ITGA1: variants seen among roughly 807,000 people sequenced by gnomAD.
The protein encoded by ITGA1 is integrin alpha-1.
A neutral mutation model predicts 145.9 loss-of-function variants in ITGA1; 85 were observed. The observed-to-expected ratio is 0.58, with a 90% CI of 0.49 to 0.70. The LOEUF (loss-of-function observed/expected upper bound fraction) is 0.70, where lower values mean the gene tolerates loss of function less well. Among genes scored for constraint, ITGA1 ranks in the 30% least tolerant of loss-of-function variants. The probability of loss-of-function intolerance (pLI) is 0.00; values close to 1 mark genes in which losing one functional copy is unlikely to be tolerated. For missense variants in ITGA1, 1,351 were observed against 1,418.7 expected (o/e 0.95, Z 0.77); for synonymous variants, 520 against 495.3 (o/e 1.05, Z -0.66).
intron 15 of ITGA1, 120 bp from the exon 16 acceptor site, chr5:52,918,612 C>A: frequency 1.3e-6 from 1 of 799,858 alleles, no homozygotes; most frequent in Non-Finnish European, 1.9e-6. Context: ...AAATGGAGTC[C>A]TGAGCGCTGT....
At chr5:52,924,317 C>T (rs1043296802) in intron 18 of ITGA1, among the ~76,000 whole-genome samples, 1 of 152,182 alleles carries the variant, frequency 6.6e-6, no homozygotes, top group African/African-American at 2.4e-5. Context: ...CAGGACAGCC[C>T]TCCTGAAGTT....
At chr5:52,850,089 G>A (rs1233266641) in intron 2 of ITGA1, among the ~76,000 whole-genome samples, 5 of 149,272 alleles carry the variant, frequency 3.3e-5, no homozygotes, top group Non-Finnish European at 7.4e-5. Flanking sequence ...TGCAACCTCC[G>A]CCTCCTGGGT....
chr5:52,893,722 G>T lies in ITGA1; in HGVS notation c.972G>T (p.Val324=). 6.2e-7 allele frequency: 1 copy of T among 1,612,892 alleles called. No homozygotes were observed. The highest frequency in any genetic ancestry group is 1.1e-5 in the South Asian group (1 of 90,988). Residue 324 remains valine (V), a synonymous_variant, in exon 9 of 29, where the codon GTG becomes GTT. Transcript: ENST00000282588. The part of the protein sequence containing the change: ...NRGNLSTEKF[V]EEIKSIASEP... ...GAAATTTAAGCACTGAAAAATTTGTGGAGGAAATAAAATCAATTGCAAGTG... is the reference window on the plus strand; with the variant it reads ...GAAATTTAAGCACTGAAAAATTTGTTGAGGAAATAAAATCAATTGCAAGTG...
At chr5:52,893,982 C>T (rs1389807696) in intron 9 of ITGA1, 142 bp downstream of exon 9, 4 of 589,508 alleles carry the variant, frequency 6.8e-6, no homozygotes, top group South Asian at 2.5e-5. Flanking sequence ...GAACAATGCT[C>T]TTTTATATAA....
intron 26 of ITGA1, among the ~76,000 whole-genome samples, chr5:52,942,505 G>T (rs1380451018): frequency 6.7e-6 from 1 of 149,728 alleles, no homozygotes; most frequent in Non-Finnish European, 1.5e-5. Flanking sequence ...GGATATTTCA[G>T]TGTTTTTTGT....
At chr5:52,896,936 C>T (rs183879408) in intron 9 of ITGA1, among the ~76,000 whole-genome samples, 25 of 152,274 alleles carry the variant, frequency 1.6e-4, no homozygotes, top group African/African-American at 4.6e-4. Flanking sequence ...TACCTAAACC[C>T]TTTATCACAC....
intron 6 of ITGA1, among the ~76,000 whole-genome samples, chr5:52,869,171 T>A (rs1360484782): frequency 6.6e-6 from 1 of 152,176 alleles, no homozygotes; most frequent in East Asian, 1.9e-4. Context: ...TGTTTGTTTG[T>A]TTTTTTGACA....
rs1205423331 is a variant in ITGA1, at chr5:52,957,589, CAA to C, written c.*5139_*5140del. On this transcript the variant is annotated 3_prime_UTR_variant, in exon 29 of 29. Coordinates refer to ENST00000282588, the MANE Select transcript of ITGA1 (RefSeq NM_181501.2). ...GAGACTGGGCAGTAGGAGCCAGAGC[CAA>C]TTTGCAGGATCTCTTTTCCTTCTGC... The C allele has an allele frequency of 6.6e-6, 1 of 152,230 alleles. No individual in the cohort carries two copies. The highest frequency in any genetic ancestry group is 6.5e-5 in the Admixed American group (1 of 15,278). The allele number at this position is 152,230 out of a possible 1,614,324, so 9.4% of individuals were successfully genotyped here.
intron 1 of ITGA1, among the ~76,000 whole-genome samples, chr5:52,788,911 T>C (rs1243599390): frequency 1.3e-5 from 2 of 152,146 alleles, no homozygotes; most frequent in African/African-American, 4.8e-5. Flanking sequence ...AAGGCAGGGA[T>C]GCAAGACGAA....
chr5:52,915,820 G>A (rs185012803), intron 15 of ITGA1, among the ~76,000 whole-genome samples: 115 of 152,292 alleles, frequency 7.6e-4, no homozygotes, highest in African/African-American at 2.7e-3. Context: ...TGTCTATTAT[G>A]TGGTTTACAC....
chr5:52,926,461 G>A (rs185216451), intron 19 of ITGA1, among the ~76,000 whole-genome samples: 4 of 151,176 alleles, frequency 2.6e-5, no homozygotes. Context: ...AATTAGCAAG[G>A]CATGGTGGCA....
At chr5:52,950,580 G>A (rs1751204144) in intron 28 of ITGA1, among the ~76,000 whole-genome samples, 1 of 152,088 alleles carries the variant, frequency 6.6e-6, no homozygotes, top group Non-Finnish European at 1.5e-5. Context: ...AACTCTATTG[G>A]TTTCAAATTT....
At position 52,801,453 on chromosome 5, in the gene ITGA1, T is replaced by C. The variant is rs780875619; in HGVS notation, c.61+13039T>C. 12 of 1,614,102 alleles carry C rather than the reference T, an allele frequency of 7.4e-6. No individual in the cohort carries two copies. In the East Asian group the frequency reaches 2.7e-4, roughly 36 times the overall value. The stretch of plus-strand genomic sequence containing the variant: ...ACAAGTACTCCCTGAAAGAGGCCCT[T>C]TGTGACCCTACTGTGGCTAGCCGCC... On this transcript the variant is annotated intron_variant, in intron 1 of 28. Transcript: ENST00000282588.
rs576530211 is a variant in ITGA1, at chr5:52,909,126, A to C, written c.1599+85A>C. On this transcript the variant is annotated intron_variant, in intron 13 of 28. Transcript: ENST00000282588. The stretch of plus-strand genomic sequence containing the variant: ...AATAATAAATTCCAATTTTTCACTC[A>C]CTTTGAAAAAACAGAGCAAAGAAGC... 2.9e-5 allele frequency: 40 copies of C among 1,390,734 alleles called. 2 individuals carry two copies. In the South Asian group the frequency reaches 5.4e-4, roughly 19 times the overall value. The allele number at this position is 1,390,734 out of a possible 1,614,324, so 86.1% of individuals were successfully genotyped here.
In ITGA1 at chr5:52,905,749, C is replaced by A; in HGVS notation, c.1310-14C>A. 1 of 1,607,672 alleles carries A rather than the reference C, an allele frequency of 6.2e-7. No homozygotes were observed. Among genetic ancestry groups the A allele is most frequent in the Non-Finnish European group, 8.5e-7 (1 of 1,176,764 alleles). On this transcript the variant is annotated splice_polypyrimidine_tract_variant and intron_variant, in intron 11 of 28. Coordinates refer to ENST00000282588, the MANE Select transcript of ITGA1 (RefSeq NM_181501.2). ...AGGGTCCAGGTGGTATACCTGGAAT[C>A]TTTCTTTTGTTAGGTTACACTGTAA... is the stretch of plus-strand genomic sequence containing the variant.
rs58664401 is a variant in ITGA1, at chr5:52,872,575, A to ATT, written c.624+6775_624+6776dup. 2.0e-4 allele frequency among the ~76,000 whole-genome samples: 20 copies of ATT among 98,364 alleles called. 1 individual carries two copies. Among genetic ancestry groups the ATT allele is most frequent in the East Asian group, 1.3e-3 (3 of 2,290 alleles). The allele number at this position is 98,364 out of a possible 152,430, so 64.5% of individuals were successfully genotyped here. A position where few individuals can be genotyped will look rare whatever the true frequency, so the allele number is the denominator to read the frequency against. On this transcript the variant is annotated intron_variant, in intron 6 of 28. Transcript: ENST00000282588. The stretch of plus-strand genomic sequence containing the variant: ...CTTCCCCTTACACCCGCCTCAGTCA[A>ATT]TTTTTTTTTTTTTTTTTTGTGGGTG...
intron 9 of ITGA1, 152 bp from the exon 10 acceptor site, chr5:52,897,303 G>T: frequency 1.7e-6 from 1 of 600,644 alleles, no homozygotes; most frequent in Admixed American, 3.1e-5. Context: ...TAGAAATTTT[G>T]GGTTGAGAAA....
intron 1 of ITGA1, among the ~76,000 whole-genome samples, chr5:52,832,163 A>G (rs1463251916): frequency 6.6e-6 from 1 of 152,120 alleles, no homozygotes; most frequent in African/African-American, 2.4e-5. Context: ...AATCAGACCC[A>G]TGTAAGCTCT....
In ITGA1 at chr5:52,921,517, TTTAG is replaced by T. The variant is rs144010384; in HGVS notation, c.2292+1053_2292+1056del. On this transcript the variant is annotated intron_variant, in intron 17 of 28. Transcript: ENST00000282588. ...AATAACACTGGAGTTGCCCCTCCTA[TTTAG>T]TTAATCAGAACTGAACACTTAGGAA... Among the ~76,000 whole-genome samples the T allele has an allele frequency of 1.6e-3, 238 of 152,184 alleles. 1 individual carries two copies. In the South Asian group the frequency reaches 0.033, roughly 21 times the overall value.
Sources: gnomAD v4.1 joint callset for allele counts (sites outside exome capture counted in the v4.1 genomes callset) on GRCh38, gnomAD v4.1.1 for gene constraint, MANE v1.5 for transcripts, NCBI Gene and HGNC (gene_info 2026-07-23, HGNC 2026-07-21) for gene names.